KCNS3: variants seen among roughly 807,000 people sequenced by gnomAD.
The protein encoded by KCNS3 is delayed-rectifier potassium channel regulatory subunit KCNS3.
KCNS3 carries 13 observed loss-of-function variants against 31.0 expected under a neutral mutation model. The ratio of observed to expected loss-of-function variants is 0.42; its 90% CI spans 0.27 to 0.67. The LOEUF is 0.67. KCNS3 is among the 30% of genes least tolerant of loss of function. The pLI is 0.25. For synonymous variants in KCNS3, 238 were observed against 241.5 expected (o/e 0.99, Z 0.13); for missense variants, 545 against 622.4 (o/e 0.88, Z 1.32).
chr2:17,931,216 G>A lies in KCNS3; in HGVS notation c.208G>A (p.Asp70Asn). 6.2e-7 allele frequency: 1 copy of A among 1,614,086 alleles called. No homozygotes were observed. The highest frequency in any genetic ancestry group is 8.5e-7 in the Non-Finnish European group (1 of 1,180,006). Reference sequence around the variant, plus strand: ...TGTGGCCGATAAGGAGTACTACTTTGATCGGAATCCCTCCTTGTTCAGATA... The same window carrying A: ...TGTGGCCGATAAGGAGTACTACTTTAATCGGAATCCCTCCTTGTTCAGATA... ...YSVADKEYYF[D>N]RNPSLFRYVL... The change falls in exon 3 of 3, where the codon GAT (aspartate) becomes AAT (asparagine). Residue 70 changes from aspartate (D) to asparagine (N), a missense_variant. Physicochemically the swap from Asp to Asn is conservative, Grantham distance 23. Coordinates refer to ENST00000304101, the MANE Select transcript of KCNS3 (RefSeq NM_002252.5). The surrounding 1 kb of genome is among the most constrained non-coding windows in gnomAD (Gnocchi z 5.4).
chr2:17,893,407 G>A lies in KCNS3; in HGVS notation c.-252+14601G>A, dbSNP rs183209921. ...CCTGTGAAGTCTGCATGCCGGATTAGGATTCGCAACCTCTCCTGAGTTCTG... is the reference window on the plus strand; with the variant it reads ...CCTGTGAAGTCTGCATGCCGGATTAAGATTCGCAACCTCTCCTGAGTTCTG... On this transcript the variant is annotated intron_variant, in intron 1 of 2. Transcript: ENST00000304101. Among the ~76,000 whole-genome samples, 693 of 152,296 alleles carry A rather than the reference G, an allele frequency of 4.6e-3. 2 individuals are homozygous for A. Among genetic ancestry groups the A allele is most frequent in the African/African-American group, 0.015 (610 of 41,556 alleles).
chr2:17,915,268 A>G (rs1241315382), intron 1 of KCNS3, among the ~76,000 whole-genome samples: 1 of 152,198 alleles, frequency 6.6e-6, no homozygotes, highest in East Asian at 1.9e-4. Flanking sequence ...GAAACCTGTT[A>G]AGTGCTAAGT....
At chr2:17,892,452 T>G (rs1453405101) in intron 1 of KCNS3, among the ~76,000 whole-genome samples, 2 of 152,298 alleles carry the variant, frequency 1.3e-5, no homozygotes, top group Non-Finnish European at 2.9e-5. Flanking sequence ...GATTTTGTCT[T>G]GGTTTGGACC....
Position 17,932,215 on chromosome 2 carries a change from A to G in KCNS3, c.1207A>G (p.Thr403Ala). 1 of 1,614,008 alleles carries G rather than the reference A, an allele frequency of 6.2e-7. No individual in the cohort carries two copies. The highest frequency in any genetic ancestry group is 8.5e-7 in the Non-Finnish European group (1 of 1,179,968). ...CATCTTGGTGGTGGCCCTTCCCATC[A>G]CCATCATCTTCAACAAGTTTTCCAA... ...CGILVVALPI[T>A]IIFNKFSKYY... Residue 403 changes from threonine (T) to alanine (A), a missense_variant, in exon 3 of 3, where the codon ACC (threonine) becomes GCC (alanine). Thr to Ala is a moderately conservative substitution (Grantham distance 58). Transcript: ENST00000304101.
Position 17,881,862 on chromosome 2 carries a change from C to A in KCNS3, c.-252+3056C>A, listed in dbSNP as rs78514918. Among the ~76,000 whole-genome samples, 39 of 152,258 alleles carry A rather than the reference C, an allele frequency of 2.6e-4. 1 individual carries two copies. In the South Asian group the frequency reaches 7.3e-3, roughly 28 times the overall value. On this transcript the variant is annotated intron_variant, in intron 1 of 2. Coordinates refer to ENST00000304101, the MANE Select transcript of KCNS3 (RefSeq NM_002252.5). ...GCCTTAAAAGGAATCTCAAAGACTG[C>A]GTTAGCAAAATATTATTTTTGCCTT...
chr2:17,906,331 T>C (rs1326622671), intron 1 of KCNS3, among the ~76,000 whole-genome samples: 2 of 152,208 alleles, frequency 1.3e-5, no homozygotes, highest in East Asian at 3.8e-4. Context: ...TTTTATTGTG[T>C]CTATTTGATT....
rs1553340999 is a variant in KCNS3 at position 17,884,268 on chromosome 2, A to ATATATAT, written c.-252+5462_-252+5463insTATATAT. Among the ~76,000 whole-genome samples the ATATATAT allele has an allele frequency of 3.8e-3, 177 of 46,548 alleles. 1 individual carries two copies. The highest frequency in any genetic ancestry group is 5.4e-3 in the African/African-American group (69 of 12,734). 30.5% of individuals were successfully genotyped at this position (46,548 alleles called of 152,430 possible). A position where few individuals can be genotyped will look rare whatever the true frequency, so the allele number is the denominator to read the frequency against. Reference sequence around the variant, plus strand: ...CTTAAAGTATAATTAAAAAAAAAAAAATATATATATATATATATATATATA... The same window carrying ATATATAT: ...CTTAAAGTATAATTAAAAAAAAAAAATATATATATATATATATATATATATATATATA... On this transcript the variant is annotated intron_variant, in intron 1 of 2. Coordinates refer to ENST00000304101, the MANE Select transcript of KCNS3 (RefSeq NM_002252.5).
At chr2:17,908,638 G>A (rs1307494432) in intron 1 of KCNS3, among the ~76,000 whole-genome samples, 1 of 152,172 alleles carries the variant, frequency 6.6e-6, no homozygotes, top group Non-Finnish European at 1.5e-5. Flanking sequence ...ATGGGGTTTT[G>A]GTGTGGATGT....
intron 1 of KCNS3, among the ~76,000 whole-genome samples, chr2:17,901,159 T>C (rs890144041): frequency 6.6e-6 from 1 of 152,186 alleles, no homozygotes; most frequent in African/African-American, 2.4e-5. Flanking sequence ...GTGAGTAGGG[T>C]ATAATTTAAT....
chr2:17,892,831 G>T (rs1475299924), intron 1 of KCNS3, among the ~76,000 whole-genome samples: 1 of 152,204 alleles, frequency 6.6e-6, no homozygotes, highest in Non-Finnish European at 1.5e-5. Context: ...CTGTTGCAGT[G>T]GAGGTAGCGG....
chr2:17,883,966 T>C (rs952580040), intron 1 of KCNS3, among the ~76,000 whole-genome samples: 2 of 151,788 alleles, frequency 1.3e-5, no homozygotes, highest in Non-Finnish European at 2.9e-5. Flanking sequence ...GGGACATAGA[T>C]GAAGCTGGAA....
At chr2:17,913,732 C>T (rs1662524314) in intron 1 of KCNS3, among the ~76,000 whole-genome samples, 1 of 152,160 alleles carries the variant, frequency 6.6e-6, no homozygotes, top group Non-Finnish European at 1.5e-5. Context: ...AGGTTCTTTT[C>T]CTGTACTTAT....
chr2:17,915,217 A>T (rs895822008), intron 1 of KCNS3, among the ~76,000 whole-genome samples: 2 of 152,204 alleles, frequency 1.3e-5, no homozygotes, highest in Non-Finnish European at 2.9e-5. Flanking sequence ...AGTGAGCTTG[A>T]TGTGTTTTCC....
At chr2:17,922,789 T>C (rs1662747431) in intron 2 of KCNS3, among the ~76,000 whole-genome samples, 1 of 152,200 alleles carries the variant, frequency 6.6e-6, no homozygotes, top group Non-Finnish European at 1.5e-5. Context: ...AAGTAGACCT[T>C]TTTCATTAGC....
Position 17,926,718 on chromosome 2 carries a change from G to A in KCNS3, c.-59-4232G>A, listed in dbSNP as rs529429834. 5.9e-5 allele frequency among the ~76,000 whole-genome samples: 9 copies of A among 152,360 alleles called. No individual in the cohort carries two copies. In the South Asian group the frequency reaches 1.7e-3, roughly 28 times the overall value. On this transcript the variant is annotated intron_variant, in intron 2 of 2. Coordinates refer to ENST00000304101, the MANE Select transcript of KCNS3 (RefSeq NM_002252.5). ...ATGTTGCAAGGCTGCACAGAGCAGC[G>A]GGGCCCTAGGCCTAGCCCATAAAAA... is the stretch of plus-strand genomic sequence containing the variant.
At chr2:17,908,037 T>C (rs909058193) in intron 1 of KCNS3, among the ~76,000 whole-genome samples, 7 of 152,246 alleles carry the variant, frequency 4.6e-5, no homozygotes, top group Non-Finnish European at 1.0e-4. Context: ...TTCTCCTGGA[T>C]AATATCCTGC....
At chr2:17,887,261 C>T (rs1257884174) in intron 1 of KCNS3, among the ~76,000 whole-genome samples, 1 of 151,980 alleles carries the variant, frequency 6.6e-6, no homozygotes, top group African/African-American at 2.4e-5. Context: ...TTTAATCCCT[C>T]CCCCACTCCC....
At position 17,893,875 on chromosome 2, in the gene KCNS3, C is replaced by T. The variant is rs150383506; in HGVS notation, c.-252+15069C>T. ...CAATCTGAAGCTAAAATTCACAATG[C>T]GAGCCTCCACATGCCGGAGCTGCAA... On this transcript the variant is annotated intron_variant, in intron 1 of 2. Coordinates refer to ENST00000304101, the MANE Select transcript of KCNS3 (RefSeq NM_002252.5). Among the ~76,000 whole-genome samples the T allele has an allele frequency of 3.0e-3, 446 of 150,958 alleles. 6 individuals are homozygous for T. The highest frequency in any genetic ancestry group is 1.0e-2 in the African/African-American group (408 of 40,948).
At chr2:17,915,735 G>A (rs1662574219) in intron 1 of KCNS3, among the ~76,000 whole-genome samples, 1 of 152,180 alleles carries the variant, frequency 6.6e-6, no homozygotes, top group South Asian at 2.1e-4. Context: ...ATTTTATGTT[G>A]AGAAGTCACA....
Sources: gnomAD v4.1 joint callset for allele counts (sites outside exome capture counted in the v4.1 genomes callset) on GRCh38, gnomAD v4.1.1 for gene constraint, Gnocchi (gnomAD v3.1) non-coding constraint, MANE v1.5 for transcripts, NCBI Gene and HGNC (gene_info 2026-07-23, HGNC 2026-07-21) for gene names.